TCF20: variants seen among roughly 807,000 people sequenced by gnomAD.
TCF20 encodes SPRE-binding protein.
In TCF20, 3 loss-of-function variants were observed where a neutral mutation model predicts 148.6. That is an observed-to-expected ratio of 0.02 (90% confidence interval 0.01 to 0.05). The LOEUF (loss-of-function observed/expected upper bound fraction) is 0.05. Ranked by LOEUF, TCF20 falls within the 10% of genes least tolerant of loss-of-function variation. The pLI, the probability that TCF20 is intolerant of heterozygous loss-of-function variation, is 1.00. For synonymous variants in TCF20, 1,049 were observed against 909.5 expected (o/e 1.15, Z -2.76); for missense variants, 2,350 against 2,429.3 (o/e 0.97, Z 0.69).
Position 42,325,787 on chromosome 22 carries a change from C to T in TCF20, c.-37+17692G>A, listed in dbSNP as rs117390675. ...CGTGGGGAGCAAGGCACTGCATTTC[C>T]GAGCCCCAATTCTGCAGCCGACTTG... On this transcript the variant is annotated intron_variant, in intron 1 of 1. Transcript: ENST00000515426. Among the ~76,000 whole-genome samples the T allele has an allele frequency of 1.1e-4, 16 of 152,300 alleles. No individual in the cohort carries two copies. In the East Asian group the frequency reaches 2.5e-3, roughly 24 times the overall value.
At chr22:42,296,700 C>T (rs1569203547) in intron 1 of TCF20, among the ~76,000 whole-genome samples, 2 of 152,200 alleles carry the variant, frequency 1.3e-5, no homozygotes, top group African/African-American at 2.4e-5. Flanking sequence ...CCAGGCAGTG[C>T]GACAGGGCCA....
chr22:42,228,587 A>G (rs1241654373), intron 1 of TCF20, among the ~76,000 whole-genome samples: 3 of 152,234 alleles, frequency 2.0e-5, no homozygotes, highest in Non-Finnish European at 4.4e-5. Context: ...ACAACTGCAA[A>G]CACTGCACCA....
intron 3 of TCF20, among the ~76,000 whole-genome samples, chr22:42,172,179 T>C (rs1936170834): frequency 6.6e-6 from 1 of 152,196 alleles, no homozygotes; most frequent in Non-Finnish European, 1.5e-5. Context: ...TCTGTTCTCA[T>C]ACATGTCCAC....
intron 1 of TCF20, among the ~76,000 whole-genome samples, chr22:42,332,442 C>G (rs538248179): frequency 6.6e-5 from 10 of 152,298 alleles, no homozygotes; most frequent in African/African-American, 2.4e-4. Flanking sequence ...AAGGGCAGCA[C>G]TCTGGGTTCG....
intron 1 of TCF20, among the ~76,000 whole-genome samples, chr22:42,283,709 C>T (rs2147019687): frequency 6.6e-6 from 1 of 151,800 alleles, no homozygotes; most frequent in African/African-American, 2.4e-5. Flanking sequence ...CGGCCCCTGC[C>T]CGCCCCCGGG....
chr22:42,190,977 G>C (rs1045728277), intron 2 of TCF20, among the ~76,000 whole-genome samples: 1 of 152,036 alleles, frequency 6.6e-6, no homozygotes, highest in African/African-American at 2.4e-5. Context: ...TAATTATCCT[G>C]GGTTTACAGC....
intron 1 of TCF20, among the ~76,000 whole-genome samples, chr22:42,238,404 G>A (rs899071848): frequency 2.0e-5 from 3 of 152,188 alleles, no homozygotes; most frequent in African/African-American, 7.2e-5. Context: ...TTCCATATCA[G>A]CAATAAGCTG....
At chr22:42,220,163 C>T (rs1922223548) in intron 1 of TCF20, among the ~76,000 whole-genome samples, 1 of 152,006 alleles carries the variant, frequency 6.6e-6, no homozygotes, top group African/African-American at 2.4e-5. Context: ...CAACATCCCA[C>T]TTCCCAATCC....
chr22:42,319,655 C>G (rs1927697013), intron 1 of TCF20, among the ~76,000 whole-genome samples: 1 of 152,198 alleles, frequency 6.6e-6, no homozygotes, highest in African/African-American at 2.4e-5. Flanking sequence ...TTCCTAACCC[C>G]CGATGAGTAT....
At chr22:42,270,808 C>A (rs1167891089), upstream of TCF20, among the ~76,000 whole-genome samples, 1 of 146,892 alleles carries the variant, frequency 6.8e-6, no homozygotes, top group Non-Finnish European at 1.5e-5. Flanking sequence ...GCGGCGGCGT[C>A]GAGGCTGGCG....
rs60802627 is a variant in TCF20, at chr22:42,337,102, C to T, written c.-37+6377G>A. Reference sequence around the variant, plus strand: ...GTGCATGGAGTCCTGGTCTCCATGGCGCAGTCAGATCTGACCACATCAGGG... The same window carrying T: ...GTGCATGGAGTCCTGGTCTCCATGGTGCAGTCAGATCTGACCACATCAGGG... On this transcript the variant is annotated intron_variant, in intron 1 of 1. Transcript: ENST00000515426. Among the ~76,000 whole-genome samples, 1,054 of 152,260 alleles carry T rather than the reference C, an allele frequency of 6.9e-3. 13 individuals carry two copies. The highest frequency in any genetic ancestry group is 0.024 in the African/African-American group (1,001 of 41,534).
At chr22:42,186,596 C>A (rs2147114698) in intron 2 of TCF20, among the ~76,000 whole-genome samples, 1 of 152,290 alleles carries the variant, frequency 6.6e-6, no homozygotes, top group Non-Finnish European at 1.5e-5. Context: ...CTGCATGGGT[C>A]TGGACACCTG....
chr22:42,181,227 A>G (rs1936757506), intron 2 of TCF20, among the ~76,000 whole-genome samples: 1 of 152,062 alleles, frequency 6.6e-6, no homozygotes, highest in African/African-American at 2.4e-5. Flanking sequence ...TTTGTCGCCC[A>G]GGCTGGAGTG....
At chr22:42,179,546 G>C in intron 3 of TCF20, 63 bp downstream of exon 3, 1 of 978,880 alleles carries the variant, frequency 1.0e-6, no homozygotes, top group Non-Finnish European at 1.5e-6. Flanking sequence ...ACAACAGAGA[G>C]AATCAAACTG....
rs764881317 is a variant in TCF20 at position 42,213,506 on chromosome 22, A to G, written c.1800T>C (p.Asn600=). Residue 600 remains asparagine, a synonymous_variant, in exon 2 of 6, where the codon AAT becomes AAC. Coordinates refer to ENST00000677622, the MANE Select transcript of TCF20 (RefSeq NM_001378418.1). ...AGACAATCACCCCAACAGTCTTCTC[A>G]TTAACCTTTGGGTTCCCGTCGGATG... The part of the protein sequence containing the change: ...PLSSDGNPKV[N]EKTVGVIVSR... 4 of 1,614,132 alleles carry G rather than the reference A, an allele frequency of 2.5e-6. No homozygotes were observed. The South Asian group carries it at 3.3e-5, about 13-fold the overall frequency.
chr22:42,221,739 G>GTTTTTTGTTTTT (rs534858078), intron 1 of TCF20, among the ~76,000 whole-genome samples: 11 of 92,808 alleles, frequency 1.2e-4, no homozygotes, highest in African/African-American at 5.1e-4. Context: ...ATGGCAAAGG[G>GTTTTTTGTTTTT]TTTTTTTTTT....
chr22:42,282,901 C>CTG (rs134895), intron 1 of TCF20, among the ~76,000 whole-genome samples: 1 of 151,772 alleles, frequency 6.6e-6, no homozygotes. Flanking sequence ...CCAAATAAAG[C>CTG]CCCACGCCGC....
At chr22:42,337,954 T>C (rs1468616901) in intron 1 of TCF20, among the ~76,000 whole-genome samples, 7 of 152,128 alleles carry the variant, frequency 4.6e-5, no homozygotes, top group African/African-American at 1.7e-4. Flanking sequence ...CCCTGCATAC[T>C]CAACCTTCAG....
chr22:42,192,472 T>C (rs771496784), intron 2 of TCF20, among the ~76,000 whole-genome samples: 4 of 152,162 alleles, frequency 2.6e-5, no homozygotes, highest in African/African-American at 4.8e-5. Flanking sequence ...CAGGTTGAGG[T>C]ATTGTCAGGC....
Sources: allele counts gnomAD v4.1 joint callset (sites outside exome capture counted in the v4.1 genomes callset), GRCh38; gene constraint gnomAD v4.1.1; transcripts MANE v1.5; gene names NCBI Gene and HGNC (gene_info 2026-07-23, HGNC 2026-07-21).